The following MGAT4C variants were observed in gnomAD, a reference collection of about 807,000 sequenced individuals.
MGAT4C encodes the protein MGAT4 family member C.
MGAT4C carries 19 observed loss-of-function variants against 40.1 expected under a neutral mutation model. The observed-to-expected ratio is 0.47, with a 90% CI of 0.33 to 0.70. The LOEUF is 0.70. Ranked by LOEUF, MGAT4C falls within the 30% of genes least tolerant of loss-of-function variation. The probability of loss-of-function intolerance (pLI) is 0.02; values close to 1 mark genes in which losing one functional copy is unlikely to be tolerated. For missense variants in MGAT4C, 491 were observed against 563.2 expected (o/e 0.87, Z 1.30); for synonymous variants, 181 against 187.1 (o/e 0.97, Z 0.27).
chr12:86,566,568 A>ATG (rs1592993528), intron 2 of MGAT4C, among the ~76,000 whole-genome samples: 10 of 116,072 alleles, frequency 8.6e-5, no homozygotes, highest in East Asian at 2.3e-4. Flanking sequence ...ATATATATAT[A>ATG]TATATATGTA....
intron 1 of MGAT4C, among the ~76,000 whole-genome samples, chr12:86,138,271 A>T (rs1045071387): frequency 6.0e-5 from 9 of 150,546 alleles, no homozygotes; most frequent in Non-Finnish European, 1.3e-4. Flanking sequence ...CCCCCTCCTT[A>T]GGCAATTTTG....
rs1318540329 is a variant in MGAT4C, at chr12:85,976,418, CT to C, written c.*2870del. 6.6e-6 allele frequency: 1 copy of C among 150,644 alleles called. No homozygotes were observed. The highest frequency in any genetic ancestry group is 1.5e-5 in the Non-Finnish European group (1 of 67,126). 9.3% of individuals were successfully genotyped at this position (150,644 alleles called of 1,614,324 possible). A position where few individuals can be genotyped will look rare whatever the true frequency, so the allele number is the denominator to read the frequency against. ...AATTTCATTGTGCTTTTACAAGATACTTTTTTCTTTGATGTCCATAACTGCT... is the reference window on the plus strand; with the variant it reads ...AATTTCATTGTGCTTTTACAAGATACTTTTTCTTTGATGTCCATAACTGCT... On this transcript the variant is annotated 3_prime_UTR_variant, in exon 5 of 5. Transcript: ENST00000611864.
Position 86,632,114 on chromosome 12 carries a change from T to G in MGAT4C, c.-229+95095A>C, listed in dbSNP as rs1348304834. Reference sequence around the variant, plus strand: ...GGCAAAGGATATGAACAGATACTTCTCAAAAGAAGACATTTATGCAGCCAG... The same window carrying G: ...GGCAAAGGATATGAACAGATACTTCGCAAAAGAAGACATTTATGCAGCCAG... On this transcript the variant is annotated intron_variant, in intron 2 of 7. Transcript: ENST00000548651. Among the ~76,000 whole-genome samples the G allele has an allele frequency of 2.0e-5, 3 of 152,018 alleles. No individual in the cohort carries two copies. The East Asian group carries it at 5.8e-4, about 29-fold the overall frequency.
chr12:86,428,969 A>T (rs1395980678), intron 3 of MGAT4C, among the ~76,000 whole-genome samples: 2 of 151,384 alleles, frequency 1.3e-5, no homozygotes, highest in Admixed American at 1.3e-4. Flanking sequence ...CTAATTCGAT[A>T]TTTATTATTT....
chr12:86,549,075 A>G (rs924002809), intron 2 of MGAT4C, among the ~76,000 whole-genome samples: 21 of 152,184 alleles, frequency 1.4e-4, no homozygotes, highest in African/African-American at 4.1e-4. Flanking sequence ...AAAATCCTTA[A>G]AACCAGATAA....
chr12:86,587,136 G>A (rs1471172109), intron 2 of MGAT4C, among the ~76,000 whole-genome samples: 4 of 151,890 alleles, frequency 2.6e-5, no homozygotes, highest in Non-Finnish European at 5.9e-5. Flanking sequence ...TGTATAAGGT[G>A]TAAGGAAGGG....
At chr12:86,490,880 G>A (rs1192122672) in intron 2 of MGAT4C, among the ~76,000 whole-genome samples, 3 of 152,108 alleles carry the variant, frequency 2.0e-5, no homozygotes, top group Non-Finnish European at 4.4e-5. Context: ...AAATATATAT[G>A]CACTCAATAC....
intron 3 of MGAT4C, among the ~76,000 whole-genome samples, chr12:86,426,946 C>CA (rs1565754621): frequency 6.6e-6 from 1 of 151,156 alleles, no homozygotes; most frequent in African/African-American, 2.4e-5. Flanking sequence ...GAATCCATCT[C>CA]AAAAAAAGAA....
At chr12:86,764,635 C>G (rs1261743556) in intron 1 of MGAT4C, among the ~76,000 whole-genome samples, 1 of 150,478 alleles carries the variant, frequency 6.6e-6, no homozygotes, top group Non-Finnish European at 1.5e-5. Context: ...CAGACTGACA[C>G]CTCACACGGC....
intron 1 of MGAT4C, among the ~76,000 whole-genome samples, chr12:86,089,366 C>T (rs1872475440): frequency 2.6e-5 from 4 of 151,636 alleles, no homozygotes; most frequent in Admixed American, 1.3e-4. Context: ...TATTTGTGGG[C>T]TATTATATAT....
At chr12:86,749,365 C>A (rs1951200072) in intron 1 of MGAT4C, among the ~76,000 whole-genome samples, 1 of 151,562 alleles carries the variant, frequency 6.6e-6, no homozygotes, top group Non-Finnish European at 1.5e-5. Flanking sequence ...GCATAAAATA[C>A]ATAGAAACTT....
intron 1 of MGAT4C, among the ~76,000 whole-genome samples, chr12:86,148,585 A>G (rs1373301821): frequency 6.6e-6 from 1 of 152,212 alleles, no homozygotes; most frequent in Non-Finnish European, 1.5e-5. Context: ...GCATCCTACC[A>G]ATATCTTTGC....
At chr12:86,726,332 T>A (rs1950821106) in intron 2 of MGAT4C, among the ~76,000 whole-genome samples, 1 of 152,234 alleles carries the variant, frequency 6.6e-6, no homozygotes. Flanking sequence ...AACGTCAATA[T>A]GCAGGTGACA....
chr12:86,239,588 T>A (rs17013833), intron 1 of MGAT4C, among the ~76,000 whole-genome samples: 8,198 of 152,110 alleles, frequency 0.054, 752 homozygotes, highest in African/African-American at 0.19. Flanking sequence ...CTTGGAGCAT[T>A]CTTATGTGGA....
chr12:86,546,071 T>C (rs891083012), intron 2 of MGAT4C, among the ~76,000 whole-genome samples: 1 of 151,960 alleles, frequency 6.6e-6, no homozygotes, highest in African/African-American at 2.4e-5. Context: ...ACGTTGACGT[T>C]TTTGAATTAT....
At chr12:86,398,763 T>C (rs887804167) in intron 3 of MGAT4C, among the ~76,000 whole-genome samples, 13 of 151,962 alleles carry the variant, frequency 8.6e-5, no homozygotes, top group African/African-American at 3.1e-4. Context: ...ACCACCTTTC[T>C]GTCTTGGAGT....
rs146228559 is a variant in MGAT4C at position 86,155,476 on chromosome 12, G to A, written c.-57+100763C>T. Among the ~76,000 whole-genome samples, 317 of 152,272 alleles carry A rather than the reference G, an allele frequency of 2.1e-3. 1 individual carries two copies. The highest frequency in any genetic ancestry group is 7.0e-3 in the African/African-American group (291 of 41,554). On this transcript the variant is annotated intron_variant, in intron 1 of 4. Coordinates refer to ENST00000611864, the MANE Select transcript of MGAT4C (RefSeq NM_001351288.2). ...TAATGTGGTTTAGGTGCTCTAAACA[G>A]GACATGATTATGGTAGTCTGTGGGT...
chr12:86,708,412 T>G (rs1347840154), intron 2 of MGAT4C, among the ~76,000 whole-genome samples: 2 of 152,194 alleles, frequency 1.3e-5, no homozygotes, highest in Non-Finnish European at 2.9e-5. Context: ...GGTGGGGCCC[T>G]CATGGAGAAT....
chr12:86,114,579 A>C (rs1393597713), intron 1 of MGAT4C, among the ~76,000 whole-genome samples: 2 of 151,916 alleles, frequency 1.3e-5, no homozygotes, highest in South Asian at 4.1e-4. Flanking sequence ...TTTTTTAGAC[A>C]GTATGTTAAA....
Sources: gnomAD v4.1 joint callset for allele counts (sites outside exome capture counted in the v4.1 genomes callset) on GRCh38, gnomAD v4.1.1 for gene constraint, MANE v1.5 for transcripts, NCBI Gene and HGNC (gene_info 2026-07-23, HGNC 2026-07-21) for gene names.